AGAP1: variants seen among roughly 807,000 people sequenced by gnomAD.
AGAP1 encodes arf-GAP with GTPase, ANK repeat and PH domain-containing protein 1.
Under a neutral mutation model 105.3 loss-of-function variants are expected in AGAP1, and 29 were observed. The observed-to-expected ratio is 0.28, with a 90% CI of 0.21 to 0.38. The LOEUF is 0.38. AGAP1 is among the 10% of genes least tolerant of loss of function. The probability of loss-of-function intolerance (pLI) is 1.00; values close to 1 mark genes in which losing one functional copy is unlikely to be tolerated. For missense variants in AGAP1, 998 were observed against 1,165.1 expected (o/e 0.86, Z 2.09); for synonymous variants, 509 against 485.9 (o/e 1.05, Z -0.63).
rs576551916 is a variant in AGAP1, at chr2:236,092,543, G to A, written c.2115-27649G>A. 2.2e-4 allele frequency among the ~76,000 whole-genome samples: 33 copies of A among 152,168 alleles called. No individual in the cohort carries two copies. Among genetic ancestry groups the A allele is most frequent in the Non-Finnish European group, 3.7e-4 (25 of 68,002 alleles). ...GAGTAAGCTGGGATTACAGGTGTCC[G>A]CCACCGTGCCCAGCTAATTTTTGTA... On this transcript the variant is annotated intron_variant, in intron 16 of 17. Coordinates refer to ENST00000304032, the MANE Select transcript of AGAP1 (RefSeq NM_001037131.3). This position sits in a 1 kb window ranked among gnomAD's most constrained non-coding sequence, Gnocchi z 4.7.
chr2:235,632,060 G>A (rs887191279), intron 1 of AGAP1, among the ~76,000 whole-genome samples: 4 of 152,234 alleles, frequency 2.6e-5, no homozygotes, highest in Admixed American at 2.6e-4. Context: ...TTGTTAAGGG[G>A]TAAGAGAAAT....
chr2:235,558,944 A>G (rs1181117493), intron 1 of AGAP1, among the ~76,000 whole-genome samples: 1 of 151,352 alleles, frequency 6.6e-6, no homozygotes, highest in Non-Finnish European at 1.5e-5. Flanking sequence ...TTTTTTTTAG[A>G]TAGGGTCTCG....
chr2:235,603,949 C>T (rs1467709738), intron 1 of AGAP1, among the ~76,000 whole-genome samples: 2 of 152,056 alleles, frequency 1.3e-5, no homozygotes, highest in Non-Finnish European at 1.5e-5. Flanking sequence ...GGCACAGGCA[C>T]CCATCAAAAT....
In AGAP1 at chr2:235,721,571, A is replaced by G. The variant is rs1316081732; in HGVS notation, c.310+3927A>G. Reference sequence around the variant, plus strand: ...GCACTGTAGTAACGAACTGCCACACACAGTGTGGCTTAAAACAGAAATGTA... The same window carrying G: ...GCACTGTAGTAACGAACTGCCACACGCAGTGTGGCTTAAAACAGAAATGTA... On this transcript the variant is annotated intron_variant, in intron 3 of 17. Coordinates refer to ENST00000304032, the MANE Select transcript of AGAP1 (RefSeq NM_001037131.3). This position sits in a 1 kb window ranked among gnomAD's most constrained non-coding sequence, Gnocchi z 4.5. 1.3e-5 allele frequency among the ~76,000 whole-genome samples: 2 copies of G among 152,226 alleles called. No individual in the cohort carries two copies. The highest frequency in any genetic ancestry group is 2.4e-5 in the African/African-American group (1 of 41,470).
In AGAP1 at chr2:235,586,888, C is replaced by T. The variant is rs971425768; in HGVS notation, c.163+92039C>T. Among the ~76,000 whole-genome samples the T allele has an allele frequency of 6.6e-6, 1 of 152,176 alleles. No homozygotes were observed. Among genetic ancestry groups the T allele is most frequent in the Non-Finnish European group, 1.5e-5 (1 of 68,036 alleles). ...GTCGGAGTGTAGTTCATATACCATG[C>T]ACAGCCTGTCAGCATACAGCTTGAA... On this transcript the variant is annotated intron_variant, in intron 1 of 17. Transcript: ENST00000304032. This position sits in a 1 kb window ranked among gnomAD's most constrained non-coding sequence, Gnocchi z 4.2.
At position 235,747,506 on chromosome 2, in the gene AGAP1, C is replaced by T. The variant is rs2149694769; in HGVS notation, c.538+2667C>T. On this transcript the variant is annotated intron_variant, in intron 5 of 17. Transcript: ENST00000304032. The surrounding 1 kb of genome is among the most constrained non-coding windows in gnomAD (Gnocchi z 5.0). ...GTGAGCAGGTAAGCGGGCCCCATGC[C>T]CTCCCTGCAGGACTCCTCTTAGCTG... Among the ~76,000 whole-genome samples the T allele has an allele frequency of 6.6e-6, 1 of 152,228 alleles. No homozygotes were observed. The highest frequency in any genetic ancestry group is 1.9e-4 in the East Asian group (1 of 5,134).
At chr2:235,946,358 T>C (rs1334473450) in intron 12 of AGAP1, among the ~76,000 whole-genome samples, 3 of 147,678 alleles carry the variant, frequency 2.0e-5, no homozygotes, top group Non-Finnish European at 4.5e-5. Flanking sequence ...TGATCTCAGC[T>C]CACTGCAGCC....
chr2:235,923,942 G>A (rs1001046855), intron 11 of AGAP1, among the ~76,000 whole-genome samples: 1 of 152,170 alleles, frequency 6.6e-6, no homozygotes, highest in Admixed American at 6.5e-5. Flanking sequence ...AAGTCAATTA[G>A]AAGAGTGGTG....
chr2:235,601,705 C>G lies in AGAP1; in HGVS notation c.163+106856C>G, dbSNP rs1448689442. Among the ~76,000 whole-genome samples the G allele has an allele frequency of 6.6e-6, 1 of 152,122 alleles. No individual in the cohort carries two copies. The highest frequency in any genetic ancestry group is 2.1e-4 in the South Asian group (1 of 4,820). ...ACACAGCCAAACCATATCACCAGTC[C>G]GTGGAGCCAGGTGTGGTGGCTCACA... On this transcript the variant is annotated intron_variant, in intron 1 of 17. Transcript: ENST00000304032. The surrounding 1 kb of genome is among the most constrained non-coding windows in gnomAD (Gnocchi z 4.4).
intron 9 of AGAP1, among the ~76,000 whole-genome samples, chr2:235,853,693 T>C (rs918596110): frequency 3.3e-5 from 5 of 152,190 alleles, no homozygotes; most frequent in African/African-American, 1.2e-4. Context: ...TTATTCAGCC[T>C]CATTTAGGGA....
chr2:236,085,106 C>T lies in AGAP1; in HGVS notation c.2115-35086C>T, dbSNP rs1333650019. Reference sequence around the variant, plus strand: ...TGGTGTGCGCCTGTAATCCCAGCTACTCAGGAGGCTGAGGCAGGAGAATCA... The same window carrying T: ...TGGTGTGCGCCTGTAATCCCAGCTATTCAGGAGGCTGAGGCAGGAGAATCA... On this transcript the variant is annotated intron_variant, in intron 16 of 17. Transcript: ENST00000304032. Among the ~76,000 whole-genome samples the T allele has an allele frequency of 6.2e-5, 9 of 144,634 alleles. No homozygotes were observed. In the East Asian group the frequency reaches 1.5e-3, roughly 24 times the overall value. The allele number at this position is 144,634 out of a possible 152,430, so 94.9% of individuals were successfully genotyped here.
chr2:235,572,996 TC>T (rs1194538625), intron 1 of AGAP1, among the ~76,000 whole-genome samples: 1 of 22,824 alleles, frequency 4.4e-5, no homozygotes, highest in Non-Finnish European at 7.7e-5. Flanking sequence ...TTCTTCTTCT[TC>T]TTCTTCTTCT....
chr2:235,741,737 ATTG>A lies in AGAP1; in HGVS notation c.396+692_396+694del, dbSNP rs1952597791. Reference sequence around the variant, plus strand: ...TATTGTTGTTGTTGTTATTATTATTATTGTTATTTTTTATTATTTATTTATTTT... The same window carrying A: ...TATTGTTGTTGTTGTTATTATTATTATTATTTTTTATTATTTATTTATTTT... On this transcript the variant is annotated intron_variant, in intron 4 of 17. Coordinates refer to ENST00000304032, the MANE Select transcript of AGAP1 (RefSeq NM_001037131.3). The surrounding 1 kb of genome is among the most constrained non-coding windows in gnomAD (Gnocchi z 4.9). 1.3e-5 allele frequency among the ~76,000 whole-genome samples: 2 copies of A among 149,546 alleles called. No individual in the cohort carries two copies. The highest frequency in any genetic ancestry group is 6.7e-5 in the Admixed American group (1 of 15,012).
Position 236,078,389 on chromosome 2 carries a change from A to T in AGAP1, c.2114+29108A>T, listed in dbSNP as rs990954370. Among the ~76,000 whole-genome samples the T allele has an allele frequency of 6.6e-6, 1 of 152,152 alleles. No individual in the cohort carries two copies. Among genetic ancestry groups the T allele is most frequent in the Non-Finnish European group, 1.5e-5 (1 of 68,038 alleles). On this transcript the variant is annotated intron_variant, in intron 16 of 17. Coordinates refer to ENST00000304032, the MANE Select transcript of AGAP1 (RefSeq NM_001037131.3). The surrounding 1 kb of genome is among the most constrained non-coding windows in gnomAD (Gnocchi z 5.3). ...AGTCCATGGACTATAAGTGACATCTACAAAAGGCCTTCACAGCAATGCATA... is the reference window on the plus strand; with the variant it reads ...AGTCCATGGACTATAAGTGACATCTTCAAAAGGCCTTCACAGCAATGCATA...
Position 235,547,515 on chromosome 2 carries a change from C to T in AGAP1, c.163+52666C>T, listed in dbSNP as rs112509362. On this transcript the variant is annotated intron_variant, in intron 1 of 17. Transcript: ENST00000304032. ...CTGGGATTACAGACATGCACCACCACGCCTGGCTAATTTTTGTATTTTTAG... is the reference window on the plus strand; with the variant it reads ...CTGGGATTACAGACATGCACCACCATGCCTGGCTAATTTTTGTATTTTTAG... Among the ~76,000 whole-genome samples, 63 of 152,154 alleles carry T rather than the reference C, an allele frequency of 4.1e-4. 1 individual carries two copies. The highest frequency in any genetic ancestry group is 1.3e-3 in the African/African-American group (56 of 41,500).
chr2:235,837,227 C>T (rs112851677), intron 9 of AGAP1, among the ~76,000 whole-genome samples: 189 of 152,222 alleles, frequency 1.2e-3, no homozygotes, highest in African/African-American at 4.4e-3. Flanking sequence ...TCAGGTGATC[C>T]GCCCACCTCG....
rs1028658921 is a variant in AGAP1 at position 235,559,380 on chromosome 2, G to A, written c.163+64531G>A. Among the ~76,000 whole-genome samples, 6 of 152,188 alleles carry A rather than the reference G, an allele frequency of 3.9e-5. No individual in the cohort carries two copies. The highest frequency in any genetic ancestry group is 2.1e-4 in the South Asian group (1 of 4,830). ...GGCTTCTCTGTGGCAAGCCAGAGGC[G>A]TCTGTGATGAGCGCCTGCAGACGCT... On this transcript the variant is annotated intron_variant, in intron 1 of 17. Transcript: ENST00000304032. The surrounding 1 kb of genome is among the most constrained non-coding windows in gnomAD (Gnocchi z 5.7).
intron 6 of AGAP1, among the ~76,000 whole-genome samples, chr2:235,761,492 G>A (rs1375416636): frequency 1.3e-5 from 2 of 152,096 alleles, no homozygotes; most frequent in Non-Finnish European, 2.9e-5. Context: ...TCTGCACTGC[G>A]GTATCATAGC....
At chr2:235,742,235 TA>T in intron 4 of AGAP1, among the ~76,000 whole-genome samples, 1 of 152,216 alleles carries the variant, frequency 6.6e-6, no homozygotes, top group Non-Finnish European at 1.5e-5. Flanking sequence ...GCCTCAGGTC[TA>T]GTACTCCACA....
Sources: allele counts gnomAD v4.1 joint callset (sites outside exome capture counted in the v4.1 genomes callset), GRCh38; gene constraint gnomAD v4.1.1; non-coding constraint Gnocchi (gnomAD v3.1); transcripts MANE v1.5; gene names NCBI Gene and HGNC (gene_info 2026-07-23, HGNC 2026-07-21).